RHPN2: variants seen among roughly 807,000 people sequenced by gnomAD.
RHPN2 encodes rhophilin-2.
A neutral mutation model predicts 79.0 loss-of-function variants in RHPN2; 40 were observed. The observed-to-expected ratio is 0.51, with a 90% CI of 0.39 to 0.66. The LOEUF (loss-of-function observed/expected upper bound fraction) is 0.66. RHPN2 is among the 30% of genes least tolerant of loss of function. The pLI, the probability that RHPN2 is intolerant of heterozygous loss-of-function variation, is 0.00. For missense variants in RHPN2, 686 were observed against 883.5 expected (o/e 0.78, Z 2.83); for synonymous variants, 285 against 363.5 (o/e 0.78, Z 2.46).
At chr19:33,003,251 T>C (rs1971764683) in intron 7 of RHPN2, among the ~76,000 whole-genome samples, 1 of 149,196 alleles carries the variant, frequency 6.7e-6, no homozygotes, top group Non-Finnish European at 1.5e-5. Context: ...TCAGCTCCTC[T>C]GGAGGCTGAG....
chr19:33,011,647 G>A (rs764119930), intron 6 of RHPN2, 32 bp downstream of exon 6: 31 of 1,613,750 alleles, frequency 1.9e-5, no homozygotes, highest in African/African-American at 2.7e-5. Context: ...GCCATAACAC[G>A]TGAAGCGCCA....
At chr19:33,061,764 G>C (rs946648030) in intron 1 of RHPN2, among the ~76,000 whole-genome samples, 2 of 151,876 alleles carry the variant, frequency 1.3e-5, no homozygotes, top group African/African-American at 4.8e-5. Flanking sequence ...GATTACGGGT[G>C]TGAGCCACCA....
In RHPN2 at chr19:33,003,840, T is replaced by C. The variant is rs141161351; in HGVS notation, c.761-840A>G. 2.6e-5 allele frequency among the ~76,000 whole-genome samples: 4 copies of C among 152,190 alleles called. No individual in the cohort carries two copies. In the East Asian group the frequency reaches 7.7e-4, roughly 29 times the overall value. On this transcript the variant is annotated intron_variant, in intron 7 of 14. Coordinates refer to ENST00000254260, the MANE Select transcript of RHPN2 (RefSeq NM_033103.5). ...TGGAAAAGCGGGCAATGGGAAGTTA[T>C]TGTTTAACTGAGTACAGAGCTTTGC...
At chr19:33,012,841 T>C (rs1205951441) in intron 4 of RHPN2, 117 bp from the exon 5 acceptor site, 34 of 676,424 alleles carry the variant, frequency 5.0e-5, no homozygotes, top group Non-Finnish European at 6.5e-5. Flanking sequence ...GAAAAACTTA[T>C]AGTGATTTTC....
At chr19:33,008,275 A>T in intron 6 of RHPN2, 95 bp from the exon 7 acceptor site, 3 of 1,207,244 alleles carry the variant, frequency 2.5e-6, no homozygotes, top group Admixed American at 2.1e-5. Context: ...TTTAAGAGTC[A>T]ATATCTCACT....
At chr19:32,996,466 T>C (rs1450437944) in intron 10 of RHPN2, 2 of 541,910 alleles carry the variant, frequency 3.7e-6, no homozygotes, top group Non-Finnish European at 6.7e-6. Context: ...ATAACTAGTG[T>C]AAGCTGACTC....
At chr19:32,982,395 A>G (rs1178183504) in intron 14 of RHPN2, among the ~76,000 whole-genome samples, 1 of 152,076 alleles carries the variant, frequency 6.6e-6, no homozygotes, top group African/African-American at 2.4e-5. Flanking sequence ...CGATGGAGTG[A>G]GACGCTATTG....
At chr19:33,059,330 G>A (rs771231697) in intron 1 of RHPN2, among the ~76,000 whole-genome samples, 3 of 143,936 alleles carry the variant, frequency 2.1e-5, no homozygotes, top group African/African-American at 8.0e-5. Flanking sequence ...ACGGAGTCTC[G>A]CTCTGCTGCT....
chr19:32,988,101 A>G (rs1599806294), intron 14 of RHPN2, among the ~76,000 whole-genome samples: 2 of 152,100 alleles, frequency 1.3e-5, no homozygotes, highest in East Asian at 3.9e-4. Flanking sequence ...CGGGAGGCTG[A>G]GGCAAAAGGA....
intron 4 of RHPN2, among the ~76,000 whole-genome samples, chr19:33,020,157 T>C (rs546159016): frequency 1.3e-5 from 2 of 152,112 alleles, no homozygotes; most frequent in Non-Finnish European, 2.9e-5. Flanking sequence ...GGTGGGCTTA[T>C]GAGGATCTGC....
chr19:33,064,755 T>TGGGGGG, intron 1 of RHPN2, 29 bp downstream of exon 1: 81 of 1,427,762 alleles, frequency 5.7e-5, no homozygotes, highest in Non-Finnish European at 7.1e-5. Flanking sequence ...AGCCCGCAGG[T>TGGGGGG]CCCCGCCCGC....
In RHPN2 at chr19:33,008,076, C is replaced by G; in HGVS notation, c.698G>C (p.Arg233Pro). 6.2e-7 allele frequency: 1 copy of G among 1,613,716 alleles called. No homozygotes were observed. Among genetic ancestry groups the G allele is most frequent in the Non-Finnish European group, 8.5e-7 (1 of 1,179,962 alleles). Residue 233 changes from arginine to proline, a missense_variant, in exon 7 of 15, where the codon CGG becomes CCG. By Grantham distance (103) the Arg-to-Pro change is moderately radical (BLOSUM62 -2). Transcript: ENST00000254260. ...CCCAGCCTGCGTCTGCCGATCACAC[C>G]GGGTCCCAATCTGGGTGTAGAGGGC... is the stretch of plus-strand genomic sequence containing the variant. The part of the protein sequence containing the change: ...TGALYTQIGT[R>P]CDRQTQAGLE...
At chr19:33,062,787 TAA>T (rs1972292148) in intron 1 of RHPN2, among the ~76,000 whole-genome samples, 1 of 147,846 alleles carries the variant, frequency 6.8e-6, no homozygotes, top group African/African-American at 2.5e-5. Context: ...ATAATAATAA[TAA>T]TAATAATAAT....
At chr19:32,980,326 G>A (rs1971564516) in intron 14 of RHPN2, 70 bp from the exon 15 acceptor site, 1 of 1,585,202 alleles carries the variant, frequency 6.3e-7, no homozygotes, top group African/African-American at 1.3e-5. Context: ...TACGAAGTTT[G>A]GCCAGGCGCG....
intron 1 of RHPN2, among the ~76,000 whole-genome samples, chr19:33,053,644 G>A (rs1230023913): frequency 1.3e-5 from 2 of 151,854 alleles, no homozygotes; most frequent in East Asian, 3.9e-4. Context: ...GGCTAGTCTT[G>A]AACTCCTGAC....
In RHPN2 at chr19:33,007,661, A is replaced by C. The variant is rs1406031965; in HGVS notation, c.760+353T>G. 6.6e-5 allele frequency among the ~76,000 whole-genome samples: 10 copies of C among 151,990 alleles called. No homozygotes were observed. The East Asian group carries it at 1.9e-3, about 29-fold the overall frequency. ...AGAAACAGTTATGCACTGCCATCCC[A>C]GGGGCCACTTGTCTGGAAAAGATCG... On this transcript the variant is annotated intron_variant, in intron 7 of 14. Coordinates refer to ENST00000254260, the MANE Select transcript of RHPN2 (RefSeq NM_033103.5).
At chr19:33,026,322 T>G (rs1971966237) in intron 3 of RHPN2, among the ~76,000 whole-genome samples, 182 bp downstream of exon 3, 2 of 151,978 alleles carry the variant, frequency 1.3e-5, no homozygotes. Flanking sequence ...TCCCAACAAA[T>G]GGGCTCATCC....
intron 2 of RHPN2, among the ~76,000 whole-genome samples, chr19:33,036,999 G>A (rs750877025): frequency 6.6e-5 from 10 of 152,350 alleles, no homozygotes; most frequent in East Asian, 3.9e-4. Flanking sequence ...GCAGGGCGCC[G>A]GACTGGCAGG....
intron 2 of RHPN2, among the ~76,000 whole-genome samples, chr19:33,031,475 G>A (rs976633561): frequency 3.3e-5 from 5 of 151,922 alleles, no homozygotes; most frequent in Admixed American, 6.6e-5. Flanking sequence ...CAACTCCTGG[G>A]CTCAAGCAAT....
Sources: gnomAD v4.1 joint callset for allele counts (sites outside exome capture counted in the v4.1 genomes callset) on GRCh38, gnomAD v4.1.1 for gene constraint, MANE v1.5 for transcripts, NCBI Gene and HGNC (gene_info 2026-07-23, HGNC 2026-07-21) for gene names.